Variants in LRP6 observed in about 807,000 individuals in gnomAD.
The protein encoded by LRP6 is LDL receptor related protein 6.
In LRP6, 43 loss-of-function variants were observed where a neutral mutation model predicts 184.1. The ratio of observed to expected loss-of-function variants is 0.23; its 90% confidence interval spans 0.18 to 0.30. The LOEUF is 0.30. Ranked by LOEUF, LRP6 falls within the 10% of genes least tolerant of loss-of-function variation. The pLI is 1.00. For synonymous variants in LRP6, 719 were observed against 684.9 expected (o/e 1.05, Z -0.78); for missense variants, 1,571 against 2,005.3 (o/e 0.78, Z 4.14).
rs1865008864 is a variant in LRP6, at chr12:12,239,609, G to C, written c.449+4653C>G. ...TCATCAACTCTGGAATACATCGAAGGTAGACAAAATCCCCAAGTGCAGGCA... is the reference window on the plus strand; with the variant it reads ...TCATCAACTCTGGAATACATCGAAGCTAGACAAAATCCCCAAGTGCAGGCA... On this transcript the variant is annotated intron_variant, in intron 2 of 22. Coordinates refer to ENST00000261349, the MANE Select transcript of LRP6 (RefSeq NM_002336.3). 2.0e-5 allele frequency among the ~76,000 whole-genome samples: 3 copies of C among 151,616 alleles called. 1 individual carries two copies. In the South Asian group the frequency reaches 6.3e-4, roughly 32 times the overall value.
chr12:12,149,212 A>G, intron 13 of LRP6, 59 bp from the exon 14 acceptor site: 2 of 1,272,958 alleles, frequency 1.6e-6, no homozygotes, highest in Middle Eastern at 2.2e-4. Context: ...ACCCTGAGGC[A>G]ATCAGTCACA....
intron 3 of LRP6, among the ~76,000 whole-genome samples, chr12:12,201,235 T>C (rs1010478782): frequency 6.6e-6 from 1 of 152,202 alleles, no homozygotes; most frequent in Non-Finnish European, 1.5e-5. Flanking sequence ...TCAATTTGGA[T>C]TATTCTATCC....
At position 12,169,183 on chromosome 12, in the gene LRP6, C is replaced by T. The variant is rs1047941406; in HGVS notation, c.1546-3888G>A. On this transcript the variant is annotated intron_variant, in intron 7 of 22. Transcript: ENST00000261349. ...GGCAGAGGTTGCAGTGAGCCAAGAT[C>T]GCACCATTGCACTCCAGCCTGGGCA... Among the ~76,000 whole-genome samples, 4 of 151,774 alleles carry T rather than the reference C, an allele frequency of 2.6e-5. No individual in the cohort carries two copies. In the South Asian group the frequency reaches 8.3e-4, roughly 32 times the overall value.
intron 19 of LRP6, among the ~76,000 whole-genome samples, 190 bp from the exon 20 acceptor site, chr12:12,127,111 G>A (rs968039345): frequency 6.6e-6 from 1 of 152,040 alleles, no homozygotes; most frequent in African/African-American, 2.4e-5. Flanking sequence ...GTCATCATTA[G>A]GAATCAAAAT....
At chr12:12,160,128 C>G (rs1343866574) in intron 10 of LRP6, among the ~76,000 whole-genome samples, 164 bp from the exon 11 acceptor site, 2 of 152,062 alleles carry the variant, frequency 1.3e-5, no homozygotes, top group African/African-American at 4.8e-5. Flanking sequence ...TATTTTGGCA[C>G]CCTAAACTAA....
At chr12:12,241,939 T>C (rs561856193) in intron 2 of LRP6, among the ~76,000 whole-genome samples, 2 of 152,308 alleles carry the variant, frequency 1.3e-5, no homozygotes, top group African/African-American at 4.8e-5. Flanking sequence ...TTTAATCAAA[T>C]GGCGAAATTA....
At chr12:12,148,303 A>C (rs1439870125) in intron 14 of LRP6, among the ~76,000 whole-genome samples, 1 of 151,878 alleles carries the variant, frequency 6.6e-6, no homozygotes, top group Non-Finnish European at 1.5e-5. Context: ...CTTTCTAATT[A>C]ATCTATTTAA....
At chr12:12,258,157 T>C (rs1865518126) in intron 1 of LRP6, among the ~76,000 whole-genome samples, 1 of 152,178 alleles carries the variant, frequency 6.6e-6, no homozygotes, top group African/African-American at 2.4e-5. Context: ...GGGTTTTGTC[T>C]GTGATATGGA....
At chr12:12,124,941 G>T (rs1329163401) in intron 21 of LRP6, among the ~76,000 whole-genome samples, 2 of 152,296 alleles carry the variant, frequency 1.3e-5, no homozygotes, top group East Asian at 3.9e-4. Context: ...ATTTAAAATA[G>T]TAAGTATTTA....
intron 1 of LRP6, among the ~76,000 whole-genome samples, chr12:12,250,548 C>G (rs1865300619): frequency 6.6e-6 from 1 of 151,914 alleles, no homozygotes; most frequent in Non-Finnish European, 1.5e-5. Flanking sequence ...AGAACCATAC[C>G]TTATAACTAA....
chr12:12,148,956 T>C lies in LRP6; in HGVS notation c.3192A>G (p.Val1064=), dbSNP rs114714311. The C allele has an allele frequency of 9.5e-4, 1,536 of 1,613,158 alleles. 10 individuals carry two copies. In the African/African-American group the frequency reaches 0.018, roughly 19 times the overall value. Residue 1064 remains valine, a synonymous_variant, in exon 14 of 23, where the codon GTA becomes GTG. Coordinates refer to ENST00000261349, the MANE Select transcript of LRP6 (RefSeq NM_002336.3). The part of the protein sequence containing the change: ...GEQDRPRAVV[V]NPEKGYMYFT... ...TAGTAACATACCCTTTCTCTGGGTTTACCACAACGGCTCGAGGTCTGTCCT... is the reference window on the plus strand; with the variant it reads ...TAGTAACATACCCTTTCTCTGGGTTCACCACAACGGCTCGAGGTCTGTCCT...
Position 12,158,831 on chromosome 12 carries a change from C to T in LRP6, c.2789G>A (p.Ser930Asn). 1 of 1,614,110 alleles carries T rather than the reference C, an allele frequency of 6.2e-7. No individual in the cohort carries two copies. The highest frequency in any genetic ancestry group is 8.5e-7 in the Non-Finnish European group (1 of 1,180,002). The change falls in exon 12 of 23, where the codon AGT (serine) becomes AAT (asparagine). Residue 930 changes from serine to asparagine, a missense_variant and splice_region_variant. By Grantham distance (46) the Ser-to-Asn change is conservative (BLOSUM62 1). Around this residue, in one of 4 missense-constraint regions of LRP6, gnomAD observed 763 missense variants for 859.5 expected, o/e 0.89. Transcript: ENST00000261349. The part of the protein sequence containing the change: ...YSLNADNRTC[S>N]APTTFLLFSQ... ...CTTTGGAGGGAAATGCAGCTTACCACTACAAGTCCTGTTGTCAGCATTAAG... is the reference window on the plus strand; with the variant it reads ...CTTTGGAGGGAAATGCAGCTTACCATTACAAGTCCTGTTGTCAGCATTAAG...
chr12:12,243,447 G>A (rs955043669), intron 2 of LRP6, among the ~76,000 whole-genome samples: 9 of 152,040 alleles, frequency 5.9e-5, no homozygotes, highest in Non-Finnish European at 1.0e-4. Flanking sequence ...ATAATAAAAG[G>A]TATAAGATCT....
At chr12:12,208,692 A>C (rs1268884337) in intron 2 of LRP6, among the ~76,000 whole-genome samples, 2 of 152,146 alleles carry the variant, frequency 1.3e-5, no homozygotes, top group Admixed American at 1.3e-4. Context: ...TTCCATTTTC[A>C]ATTTCTCCTC....
intron 7 of LRP6, among the ~76,000 whole-genome samples, chr12:12,172,235 C>G (rs566834215): frequency 6.6e-6 from 1 of 152,312 alleles, no homozygotes; most frequent in African/African-American, 2.4e-5. Flanking sequence ...CACTGTGGCA[C>G]ATTGGTTTAA....
chr12:12,225,580 G>C, intron 2 of LRP6, among the ~76,000 whole-genome samples: 1 of 151,968 alleles, frequency 6.6e-6, no homozygotes, highest in Non-Finnish European at 1.5e-5. Flanking sequence ...GGTTCTCACA[G>C]TAAAGATCCA....
At position 12,266,724 on chromosome 12, in the gene LRP6, G is replaced by C. The variant is rs766168906; in HGVS notation, c.12C>G (p.Val4=). 5.6e-6 allele frequency: 9 copies of C among 1,613,540 alleles called. No homozygotes were observed. The Admixed American group carries it at 1.5e-4, about 27-fold the overall frequency. Residue 4 remains valine (V), a synonymous_variant, in exon 1 of 23, where the codon GTC becomes GTG. Transcript: ENST00000261349. MGA[V]LRSLLACSFC... ...AGCTGCAGGCCAGGAGGCTCCTCAG[G>C]ACGGCCCCCATCTTCCCTTCTCGCG... is the stretch of plus-strand genomic sequence containing the variant.
chr12:12,137,903 C>T (rs1285277454), intron 16 of LRP6, among the ~76,000 whole-genome samples: 2 of 151,966 alleles, frequency 1.3e-5, no homozygotes, highest in African/African-American at 4.8e-5. Flanking sequence ...TGGATCACAC[C>T]TGTAATCCCA....
intron 1 of LRP6, among the ~76,000 whole-genome samples, chr12:12,255,421 T>TAAA (rs34525701): frequency 3.4e-5 from 5 of 146,408 alleles, no homozygotes; most frequent in African/African-American, 7.7e-5. Context: ...CTCCTTTCTA[T>TAAA]AAAAAAAAAA....
Sources: gnomAD v4.1 joint callset for allele counts (sites outside exome capture counted in the v4.1 genomes callset) on GRCh38, gnomAD v4.1.1 for gene constraint, gnomAD v4.1.1 regional missense constraint, MANE v1.5 for transcripts, NCBI Gene and HGNC (gene_info 2026-07-23, HGNC 2026-07-21) for gene names.